PRKD3: variants seen among roughly 807,000 people sequenced by gnomAD.
PRKD3 encodes the protein serine/threonine-protein kinase D3.
In PRKD3, 47 loss-of-function variants were observed where a neutral mutation model predicts 99.2. That is an observed-to-expected ratio of 0.47 (90% confidence interval 0.38 to 0.60). The LOEUF (loss-of-function observed/expected upper bound fraction) is 0.60. Among genes scored for constraint, PRKD3 ranks in the 20% least tolerant of loss-of-function variants. The pLI, the probability that PRKD3 is intolerant of heterozygous loss-of-function variation, is 0.00. For missense variants in PRKD3, 1,019 were observed against 1,088.4 expected (o/e 0.94, Z 0.90); for synonymous variants, 392 against 355.4 (o/e 1.10, Z -1.16).
At chr2:37,311,523 A>G (rs1040788837) in intron 2 of PRKD3, among the ~76,000 whole-genome samples, 2 of 152,296 alleles carry the variant, frequency 1.3e-5, no homozygotes, top group Admixed American at 6.5e-5. Flanking sequence ...CAGGTGTAGG[A>G]TAATTGTATA....
chr2:37,316,681 A>C lies in PRKD3; in HGVS notation c.-157T>G. 7.7e-6 allele frequency: 11 copies of C among 1,433,890 alleles called. No homozygotes were observed. Among genetic ancestry groups the C allele is most frequent in the Non-Finnish European group, 1.0e-5 (11 of 1,100,962 alleles). The allele number at this position is 1,433,890 out of a possible 1,614,324, so 88.8% of individuals were successfully genotyped here. Reference sequence around the variant, plus strand: ...TTAAGCCACTCATGCCGATACTTTTAAGTTTTATCAAGGAGTTGAATGCCC... The same window carrying C: ...TTAAGCCACTCATGCCGATACTTTTCAGTTTTATCAAGGAGTTGAATGCCC... On this transcript the variant is annotated 5_prime_UTR_variant, in exon 2 of 19. Transcript: ENST00000234179.
chr2:37,316,646 A>C lies in PRKD3; in HGVS notation c.-122T>G. On this transcript the variant is annotated 5_prime_UTR_variant, in exon 2 of 19. Transcript: ENST00000234179. ...TTTGGATTTAGTTGAAAACTTCTTTATTTCCTCTGTTAAGCCACTCATGCC... is the reference window on the plus strand; with the variant it reads ...TTTGGATTTAGTTGAAAACTTCTTTCTTTCCTCTGTTAAGCCACTCATGCC... 19 of 1,468,512 alleles carry C rather than the reference A, an allele frequency of 1.3e-5. No homozygotes were observed. Among genetic ancestry groups the C allele is most frequent in the Non-Finnish European group, 1.7e-5 (19 of 1,118,158 alleles). 91.0% of individuals were successfully genotyped at this position (1,468,512 alleles called of 1,614,324 possible).
At chr2:37,298,060 A>G (rs1411437456) in intron 2 of PRKD3, among the ~76,000 whole-genome samples, 2 of 152,172 alleles carry the variant, frequency 1.3e-5, no homozygotes, top group East Asian at 1.9e-4. Flanking sequence ...ATTTATTCAC[A>G]ACATTTATAT....
chr2:37,279,816 C>A lies in PRKD3; in HGVS notation c.1102G>T (p.Asp368Tyr). The A allele has an allele frequency of 6.2e-7, 1 of 1,613,878 alleles. No homozygotes were observed. Among genetic ancestry groups the A allele is most frequent in the South Asian group, 1.1e-5 (1 of 91,062 alleles). ...DDTEEPSPPE[D>Y]KMFFLDPSDL... ...GATGGATCCAAGAAGAACATCTTATCTTCTGGGGGTGATGGCTCTTCTGTG... is the reference window on the plus strand; with the variant it reads ...GATGGATCCAAGAAGAACATCTTATATTCTGGGGGTGATGGCTCTTCTGTG... The change falls in exon 8 of 19, where the codon GAT (aspartate) becomes TAT (tyrosine). Residue 368 changes from aspartate to tyrosine, a missense_variant. Transcript: ENST00000234179.
intron 2 of PRKD3, among the ~76,000 whole-genome samples, chr2:37,297,160 C>T (rs1257574009): frequency 6.6e-6 from 1 of 152,004 alleles, no homozygotes; most frequent in Non-Finnish European, 1.5e-5. Flanking sequence ...TAAACAATGT[C>T]TTAATTCTGG....
chr2:37,282,372 TA>T (rs986857660), intron 7 of PRKD3, 169 bp downstream of exon 7: 7 of 563,044 alleles, frequency 1.2e-5, no homozygotes, highest in Admixed American at 9.1e-5. Flanking sequence ...GCGTGATTAC[TA>T]ATAAATGTAT....
intron 8 of PRKD3, 32 bp from the exon 9 acceptor site, chr2:37,278,021 T>A: frequency 1.3e-6 from 2 of 1,564,404 alleles, no homozygotes; most frequent in Non-Finnish European, 1.7e-6. Flanking sequence ...TAAGTTTGTG[T>A]AGATTTTTAA....
At chr2:37,312,980 A>T (rs1350072699) in intron 2 of PRKD3, among the ~76,000 whole-genome samples, 1 of 152,244 alleles carries the variant, frequency 6.6e-6, no homozygotes, top group Non-Finnish European at 1.5e-5. Flanking sequence ...TGTAGAAATA[A>T]AATATAAAAA....
At chr2:37,254,685 T>TATTA (rs544810806) in intron 17 of PRKD3, among the ~76,000 whole-genome samples, 210 of 152,282 alleles carry the variant, frequency 1.4e-3, no homozygotes, top group African/African-American at 4.9e-3. Context: ...AAGTGCTAAG[T>TATTA]ATTAACTATT....
chr2:37,277,511 A>G (rs1375358093), intron 9 of PRKD3, among the ~76,000 whole-genome samples: 7 of 152,136 alleles, frequency 4.6e-5, no homozygotes, highest in Non-Finnish European at 8.8e-5. Flanking sequence ...AAAACCAAAC[A>G]TGCTTCCTTC....
At chr2:37,281,198 T>C (rs1314611420) in intron 7 of PRKD3, among the ~76,000 whole-genome samples, 1 of 152,142 alleles carries the variant, frequency 6.6e-6, no homozygotes, top group Non-Finnish European at 1.5e-5. Flanking sequence ...AGTTTGAACA[T>C]CTCACTAGTA....
At chr2:37,288,499 G>A (rs1322325922) in intron 5 of PRKD3, among the ~76,000 whole-genome samples, 2 of 152,152 alleles carry the variant, frequency 1.3e-5, no homozygotes, top group Non-Finnish European at 2.9e-5. Flanking sequence ...ATTTACAGAA[G>A]ATCAGAGAAG....
intron 1 of PRKD3, 93 bp downstream of exon 1, chr2:37,324,588 C>A (rs1306071430): frequency 1.3e-5 from 2 of 149,810 alleles, no homozygotes; most frequent in Admixed American, 1.3e-4. Context: ...GCCGCCGCCG[C>A]CTCAGCCCGA....
chr2:37,278,174 C>A, intron 8 of PRKD3, 185 bp from the exon 9 acceptor site: 1 of 350,174 alleles, frequency 2.9e-6, no homozygotes, highest in Non-Finnish European at 5.0e-6. Context: ...CTATTTTAAG[C>A]TAATATTTTA....
intron 2 of PRKD3, among the ~76,000 whole-genome samples, chr2:37,305,879 T>C (rs2124879962): frequency 6.6e-6 from 1 of 152,234 alleles, no homozygotes; most frequent in Admixed American, 6.5e-5. Flanking sequence ...GGCTTTACAT[T>C]TAACCACCAT....
intron 13 of PRKD3, 34 bp downstream of exon 13, chr2:37,269,581 T>C (rs773343373): frequency 3.9e-6 from 6 of 1,558,228 alleles, no homozygotes; most frequent in Non-Finnish European, 5.3e-6. Flanking sequence ...TTTAAAATAA[T>C]GTGTACAATA....
intron 1 of PRKD3, among the ~76,000 whole-genome samples, chr2:37,319,578 T>C (rs1267433124): frequency 6.6e-6 from 1 of 152,110 alleles, no homozygotes; most frequent in Admixed American, 6.6e-5. Context: ...GAGGTATTTA[T>C]CAACGAAAAA....
In PRKD3 at chr2:37,277,886, A is replaced by T. The variant is rs1230736919; in HGVS notation, c.1276T>A (p.Tyr426Asn). Reference sequence around the variant, plus strand: ...CTGACCAGGTTATCCCTGCTGGTGTAATGGACCATCCACCCTTCCTTCACC... The same window carrying T: ...CTGACCAGGTTATCCCTGCTGGTGTTATGGACCATCCACCCTTCCTTCACC... ...TMVKEGWMVH[Y>N]TSRDNLRKRH... The change falls in exon 9 of 19, where the codon TAC becomes AAC. Residue 426 changes from tyrosine (Y) to asparagine (N), a missense_variant. This residue lies in a region of PRKD3 where 710 missense variants were observed against 692.7 expected (regional missense o/e 1.02). Coordinates refer to ENST00000234179, the MANE Select transcript of PRKD3 (RefSeq NM_005813.6). The T allele has an allele frequency of 6.2e-7, 1 of 1,613,588 alleles. No individual in the cohort carries two copies. The highest frequency in any genetic ancestry group is 8.5e-7 in the Non-Finnish European group (1 of 1,179,746).
intron 8 of PRKD3, 60 bp from the exon 9 acceptor site, chr2:37,278,049 G>T: frequency 7.0e-7 from 1 of 1,425,502 alleles, no homozygotes; most frequent in Non-Finnish European, 9.5e-7. Context: ...TATAAATACT[G>T]TAGGAACATG....
Sources: allele counts gnomAD v4.1 joint callset (sites outside exome capture counted in the v4.1 genomes callset), GRCh38; gene constraint gnomAD v4.1.1; regional missense constraint gnomAD v4.1.1; transcripts MANE v1.5; gene names NCBI Gene and HGNC (gene_info 2026-07-23, HGNC 2026-07-21).